SUCLG1: variants seen among roughly 807,000 people sequenced by gnomAD.
SUCLG1 encodes the protein succinate-CoA ligase GDP/ADP-forming subunit alpha.
Under a neutral mutation model 37.3 loss-of-function variants are expected in SUCLG1, and 26 were observed. The ratio of observed to expected loss-of-function variants is 0.70; its 90% confidence interval spans 0.51 to 0.97. SUCLG1 has a LOEUF of 0.97. Ranked by LOEUF, SUCLG1 falls within the 50% of genes least tolerant of loss-of-function variation. SUCLG1 has a pLI of 0.00. For missense variants in SUCLG1, 433 were observed against 432.9 expected (o/e 1.00, Z 0.00); for synonymous variants, 163 against 155.6 (o/e 1.05, Z -0.36).
At position 84,459,196 on chromosome 2, in the gene SUCLG1, C is replaced by T; in HGVS notation, c.74G>A (p.Arg25His). The T allele has an allele frequency of 6.5e-7, 1 of 1,549,940 alleles. No homozygotes were observed. The highest frequency in any genetic ancestry group is 2.4e-5 in the East Asian group (1 of 40,888). ...ACGGAGGAAGCTGCGCGACAGGAGA[C>T]GGGCGGCGGCGAGGCCGCTGCTGCC... is the stretch of plus-strand genomic sequence containing the variant. ...VSGSSGLAAA[R>H]LLSRSFLLPQ... The change falls in exon 1 of 9, where the codon CGT becomes CAT. Residue 25 changes from arginine (R) to histidine (H), a missense_variant. Transcript: ENST00000393868.
At chr2:84,443,433 C>T in intron 2 of SUCLG1, 33 bp from the exon 3 acceptor site, 1 of 1,592,932 alleles carries the variant, frequency 6.3e-7, no homozygotes, top group Non-Finnish European at 8.6e-7. Context: ...CCATGAGAAA[C>T]AGCAGACTGG....
intron 3 of SUCLG1, among the ~76,000 whole-genome samples, chr2:84,442,929 A>G (rs931566013): frequency 8.5e-5 from 13 of 152,352 alleles, no homozygotes; most frequent in African/African-American, 3.1e-4. Flanking sequence ...AGGCCTGAAC[A>G]GGGCAATTTG....
At chr2:84,455,550 T>C (rs1040132661) in intron 1 of SUCLG1, among the ~76,000 whole-genome samples, 1 of 151,568 alleles carries the variant, frequency 6.6e-6, no homozygotes, top group African/African-American at 2.4e-5. Context: ...AATGTTATAA[T>C]GTAAAAAAAT....
intron 3 of SUCLG1, 73 bp downstream of exon 3, chr2:84,443,211 A>G: frequency 7.6e-7 from 1 of 1,321,612 alleles, no homozygotes; most frequent in Non-Finnish European, 1.1e-6. Flanking sequence ...AACATAATTA[A>G]GATCTCTACC....
intron 1 of SUCLG1, among the ~76,000 whole-genome samples, chr2:84,455,242 C>T (rs935536692): frequency 1.3e-5 from 2 of 152,106 alleles, no homozygotes; most frequent in Non-Finnish European, 2.9e-5. Flanking sequence ...CTATTAATTA[C>T]TGGTAAAAAA....
intron 6 of SUCLG1, among the ~76,000 whole-genome samples, chr2:84,432,059 A>G (rs1365275991): frequency 6.6e-6 from 1 of 152,230 alleles, no homozygotes; most frequent in Non-Finnish European, 1.5e-5. Context: ...ATAAACATTT[A>G]ACAAATTTCT....
intron 5 of SUCLG1, among the ~76,000 whole-genome samples, chr2:84,439,004 TG>T (rs1672729908): frequency 6.6e-6 from 1 of 152,066 alleles, no homozygotes; most frequent in African/African-American, 2.4e-5. Flanking sequence ...TTCCATGCCA[TG>T]GAAGGTTTGC....
chr2:84,423,811 A>C, intron 8 of SUCLG1, 39 bp from the exon 9 acceptor site: 1 of 1,585,028 alleles, frequency 6.3e-7, no homozygotes, highest in Non-Finnish European at 8.6e-7. Flanking sequence ...AGATGGAATG[A>C]ATAAAGATAA....
At chr2:84,434,896 T>C (rs1265483659) in intron 5 of SUCLG1, among the ~76,000 whole-genome samples, 1 of 152,238 alleles carries the variant, frequency 6.6e-6, no homozygotes, top group Non-Finnish European at 1.5e-5. Flanking sequence ...AGGTTCTACA[T>C]ACCAAATTCA....
At chr2:84,430,157 A>G (rs1053335662) in intron 7 of SUCLG1, among the ~76,000 whole-genome samples, 5 of 152,202 alleles carry the variant, frequency 3.3e-5, no homozygotes, top group African/African-American at 1.2e-4. Flanking sequence ...GCCACTGGTG[A>G]CCTCTGTGCA....
intron 2 of SUCLG1, among the ~76,000 whole-genome samples, chr2:84,445,068 G>A (rs1411717554): frequency 6.6e-6 from 1 of 152,154 alleles, no homozygotes; most frequent in African/African-American, 2.4e-5. Flanking sequence ...AGCTCACAAA[G>A]ATGATGGGAC....
At chr2:84,436,471 CT>C (rs1335364380) in intron 5 of SUCLG1, among the ~76,000 whole-genome samples, 1 of 152,200 alleles carries the variant, frequency 6.6e-6, no homozygotes, top group East Asian at 1.9e-4. Flanking sequence ...CGATCAACAG[CT>C]TAACATCTCT....
rs181752293 is a variant in SUCLG1 at position 84,438,685 on chromosome 2, T to C, written c.589+2362A>G. 1.6e-4 allele frequency among the ~76,000 whole-genome samples: 24 copies of C among 152,304 alleles called. No homozygotes were observed. The East Asian group carries it at 4.2e-3, about 27-fold the overall frequency. ...TCACCCCCTCAAAAATCTTGTAGTG[T>C]TGAAAGTGAAGCCAGCTGGACTTCC... is the stretch of plus-strand genomic sequence containing the variant. On this transcript the variant is annotated intron_variant, in intron 5 of 8. Transcript: ENST00000393868.
At chr2:84,449,063 A>G in intron 2 of SUCLG1, 1 of 241,420 alleles carries the variant, frequency 4.1e-6, no homozygotes, top group South Asian at 5.1e-5. Flanking sequence ...AAAGAACAGG[A>G]AAGAGTATGA....
Position 84,423,731 on chromosome 2 carries a change from A to T in SUCLG1, c.*15T>A, listed in dbSNP as rs1163588270. On this transcript the variant is annotated 3_prime_UTR_variant, in exon 9 of 9. Coordinates refer to ENST00000393868, the MANE Select transcript of SUCLG1 (RefSeq NM_003849.4). ...ACGTGATCCATTCCACAGTTTTAGGAATTTTTTTTTTCTTTCATAGCATCT... is the reference window on the plus strand; with the variant it reads ...ACGTGATCCATTCCACAGTTTTAGGTATTTTTTTTTTCTTTCATAGCATCT... 6.3e-7 allele frequency: 1 copy of T among 1,598,968 alleles called. No individual in the cohort carries two copies. The highest frequency in any genetic ancestry group is 8.5e-7 in the Non-Finnish European group (1 of 1,170,100).
At chr2:84,439,794 T>G (rs1312913364) in intron 5 of SUCLG1, among the ~76,000 whole-genome samples, 1 of 152,218 alleles carries the variant, frequency 6.6e-6, no homozygotes, top group Non-Finnish European at 1.5e-5. Context: ...GTGGCTAACT[T>G]TGAAATGTTA....
intron 7 of SUCLG1, among the ~76,000 whole-genome samples, 162 bp downstream of exon 7, chr2:84,431,346 A>C (rs1355332891): frequency 6.6e-6 from 1 of 152,214 alleles, no homozygotes; most frequent in African/African-American, 2.4e-5. Context: ...ACCCAGAAAT[A>C]ATACAGAATT....
chr2:84,455,946 A>C (rs1000826767), intron 1 of SUCLG1, among the ~76,000 whole-genome samples: 6 of 152,152 alleles, frequency 3.9e-5, no homozygotes, highest in Non-Finnish European at 7.3e-5. Context: ...TTACATTTCT[A>C]TGGAGAAACA....
chr2:84,437,827 G>A (rs1213145469), intron 5 of SUCLG1, among the ~76,000 whole-genome samples: 1 of 152,190 alleles, frequency 6.6e-6, no homozygotes, highest in Non-Finnish European at 1.5e-5. Context: ...TCTCTCAACA[G>A]GTGAATGGTT....
Sources: gnomAD v4.1 joint callset for allele counts (sites outside exome capture counted in the v4.1 genomes callset) on GRCh38, gnomAD v4.1.1 for gene constraint, MANE v1.5 for transcripts, NCBI Gene and HGNC (gene_info 2026-07-23, HGNC 2026-07-21) for gene names.